The following FHIT variants were observed in gnomAD, a reference collection of about 807,000 sequenced individuals.
FHIT encodes the protein fragile histidine triad diadenosine triphosphatase, also known as bis(5'-adenosyl)-triphosphatase.
Under a neutral mutation model 17.9 loss-of-function variants are expected in FHIT, and 19 were observed. The observed-to-expected ratio is 1.06, with a 90% CI of 0.74 to 1.56. FHIT has a LOEUF of 1.56. Ranked by LOEUF, FHIT falls within the 40% of genes most tolerant of loss-of-function variation. The pLI, the probability that FHIT is intolerant of heterozygous loss-of-function variation, is 0.00. For missense variants in FHIT, 248 were observed against 189.2 expected, an observed-to-expected ratio of 1.31 and a Z score of -1.82; for synonymous variants, 81 against 69.7, an observed-to-expected ratio of 1.16 and a Z score of -0.81.
intron 5 of FHIT, among the ~76,000 whole-genome samples, chr3:60,314,276 C>T (rs914374378): frequency 6.6e-6 from 1 of 152,062 alleles, no homozygotes; most frequent in African/African-American, 2.4e-5. Context: ...CATGCTCTGA[C>T]TACAGAGGGC....
At chr3:59,982,789 C>T (rs537859724) in intron 7 of FHIT, among the ~76,000 whole-genome samples, 10 of 152,288 alleles carry the variant, frequency 6.6e-5, no homozygotes, top group African/African-American at 2.4e-4. Flanking sequence ...ACCAGCACAT[C>T]AGCCCCAGTC....
chr3:59,950,320 C>T (rs1707049325), intron 7 of FHIT, among the ~76,000 whole-genome samples: 2 of 152,184 alleles, frequency 1.3e-5, no homozygotes, highest in Non-Finnish European at 2.9e-5. Context: ...CTGTCCCCAT[C>T]TCTTCCCTGC....
intron 5 of FHIT, among the ~76,000 whole-genome samples, chr3:60,108,599 G>T (rs966267512): frequency 5.9e-5 from 9 of 151,998 alleles, no homozygotes; most frequent in Admixed American, 2.0e-4. Flanking sequence ...TAGCTCGACA[G>T]ATCATGCTAA....
intron 5 of FHIT, among the ~76,000 whole-genome samples, chr3:60,414,874 A>G (rs1702188142): frequency 6.6e-6 from 1 of 152,220 alleles, no homozygotes; most frequent in Admixed American, 6.5e-5. Context: ...CTGGCTTCCA[A>G]AGGAAGATAA....
intron 4 of FHIT, among the ~76,000 whole-genome samples, chr3:60,551,072 G>C (rs148566967): frequency 1.1e-3 from 173 of 152,214 alleles, no homozygotes; most frequent in Non-Finnish European, 2.0e-3. Flanking sequence ...AAATGTTCCA[G>C]ATGGAGGAAA....
intron 4 of FHIT, among the ~76,000 whole-genome samples, chr3:60,592,770 C>G (rs1364999045): frequency 3.3e-5 from 5 of 152,048 alleles, no homozygotes; most frequent in African/African-American, 1.2e-4. Context: ...CCAGAAGAAA[C>G]AGAGCTGGAT....
chr3:59,757,519 T>C (rs1037846459), intron 8 of FHIT, among the ~76,000 whole-genome samples: 5 of 152,272 alleles, frequency 3.3e-5, no homozygotes, highest in African/African-American at 9.6e-5. Context: ...TCAAACCGCC[T>C]TTGCTATTGA....
intron 5 of FHIT, among the ~76,000 whole-genome samples, chr3:60,415,053 T>C (rs1034512159): frequency 3.3e-5 from 5 of 152,120 alleles, no homozygotes; most frequent in African/African-American, 1.2e-4. Context: ...GGCCCGGGAA[T>C]GTGCACTTTA....
chr3:60,763,730 T>C (rs1335338915), intron 4 of FHIT, among the ~76,000 whole-genome samples: 1 of 152,202 alleles, frequency 6.6e-6, no homozygotes, highest in Non-Finnish European at 1.5e-5. Flanking sequence ...GGTATGCACA[T>C]TGCTCAGCAT....
chr3:59,896,226 T>C (rs541223956), intron 8 of FHIT, among the ~76,000 whole-genome samples: 1 of 152,276 alleles, frequency 6.6e-6, no homozygotes, highest in Admixed American at 6.5e-5. Flanking sequence ...GCAAGCACAG[T>C]GCCTGGCACA....
At chr3:60,316,677 C>T (rs1477658893) in intron 5 of FHIT, among the ~76,000 whole-genome samples, 2 of 152,216 alleles carry the variant, frequency 1.3e-5, no homozygotes, top group African/African-American at 4.8e-5. Flanking sequence ...GCCACAGGCT[C>T]ACTCAAAACA....
intron 3 of FHIT, among the ~76,000 whole-genome samples, chr3:60,863,431 A>G (rs1029424562): frequency 1.3e-5 from 2 of 152,228 alleles, no homozygotes; most frequent in African/African-American, 4.8e-5. Flanking sequence ...CACTAAATTC[A>G]TCATAGTTTG....
At chr3:60,629,757 T>C (rs2039390499) in intron 4 of FHIT, among the ~76,000 whole-genome samples, 1 of 152,198 alleles carries the variant, frequency 6.6e-6, no homozygotes, top group African/African-American at 2.4e-5. Flanking sequence ...TGCTTTAATG[T>C]ATCTAGGTAG....
chr3:59,936,249 G>A (rs1205879346), intron 7 of FHIT, among the ~76,000 whole-genome samples: 1 of 151,974 alleles, frequency 6.6e-6, no homozygotes, highest in Non-Finnish European at 1.5e-5. Context: ...GTCTTTGTTA[G>A]ACAAAATATG....
intron 2 of FHIT, among the ~76,000 whole-genome samples, chr3:61,149,822 A>G (rs1362587684): frequency 6.6e-6 from 1 of 152,124 alleles, no homozygotes; most frequent in Non-Finnish European, 1.5e-5. Context: ...AGAGGCTGCA[A>G]TGGGCCATGA....
chr3:60,206,081 C>T (rs1276464610), intron 5 of FHIT, among the ~76,000 whole-genome samples: 3 of 147,756 alleles, frequency 2.0e-5, no homozygotes, highest in African/African-American at 5.0e-5. Flanking sequence ...TGCAGTGAGC[C>T]GAGATTGAGC....
chr3:60,718,351 T>A (rs1260619029), intron 4 of FHIT, among the ~76,000 whole-genome samples: 1 of 152,062 alleles, frequency 6.6e-6, no homozygotes, highest in African/African-American at 2.4e-5. Context: ...TGAAACAGAG[T>A]GGGCAGGAAC....
chr3:60,557,204 C>G (rs191651132), intron 4 of FHIT, among the ~76,000 whole-genome samples: 1 of 152,182 alleles, frequency 6.6e-6, no homozygotes, highest in Admixed American at 6.5e-5. Flanking sequence ...GTTTAAGTCC[C>G]TTGCCCAAGT....
intron 4 of FHIT, among the ~76,000 whole-genome samples, chr3:60,592,805 G>C (rs1430134355): frequency 6.6e-6 from 1 of 152,136 alleles, no homozygotes; most frequent in Non-Finnish European, 1.5e-5. Flanking sequence ...AAGCGTCAGA[G>C]GTAGTAGGAA....
Sources: allele counts gnomAD v4.1 joint callset (sites outside exome capture counted in the v4.1 genomes callset), GRCh38; gene constraint gnomAD v4.1.1; transcripts MANE v1.5; gene names NCBI Gene and HGNC (gene_info 2026-07-23, HGNC 2026-07-21).